Variants in SHB observed in about 807,000 individuals in gnomAD.
SHB encodes SH2 domain containing adaptor protein B.
SHB carries 20 observed loss-of-function variants against 52.3 expected under a neutral mutation model. That is an observed-to-expected ratio of 0.38 (90% confidence interval 0.27 to 0.56). The LOEUF is 0.56. Among genes scored for constraint, SHB ranks in the 20% least tolerant of loss-of-function variants. SHB has a pLI of 0.71. For synonymous variants in SHB, 397 were observed against 316.5 expected, an observed-to-expected ratio of 1.25 and a Z score of -2.70; for missense variants, 825 against 723.3, an observed-to-expected ratio of 1.14 and a Z score of -1.61.
intron 1 of SHB, among the ~76,000 whole-genome samples, chr9:38,063,427 A>G (rs1821919202): frequency 6.6e-6 from 1 of 152,142 alleles, no homozygotes. Context: ...GCCCCCAGCC[A>G]TCCTCTCCAG....
chr9:37,958,194 G>C (rs551018816), intron 3 of SHB, among the ~76,000 whole-genome samples: 2 of 151,936 alleles, frequency 1.3e-5, no homozygotes, highest in Non-Finnish European at 1.5e-5. Context: ...GAGAGCATGT[G>C]TACACGGGCA....
chr9:37,957,128 A>G (rs1832644922), intron 3 of SHB, among the ~76,000 whole-genome samples: 1 of 152,204 alleles, frequency 6.6e-6, no homozygotes, highest in Non-Finnish European at 1.5e-5. Context: ...CCTGACACAC[A>G]GAGGGTGCCT....
At chr9:38,033,973 G>A (rs1012192068) in intron 1 of SHB, among the ~76,000 whole-genome samples, 3 of 152,168 alleles carry the variant, frequency 2.0e-5, no homozygotes, top group East Asian at 1.9e-4. Flanking sequence ...CAGGTGAAAC[G>A]GGTTCTGCCA....
At position 38,002,508 on chromosome 9, in the gene SHB, A is replaced by G. The variant is rs531467685; in HGVS notation, c.838+13503T>C. On this transcript the variant is annotated intron_variant, in intron 2 of 5. Transcript: ENST00000377707. Reference sequence around the variant, plus strand: ...AGCACTACCGAACCACGTGAAACACATAAGAAGGCATCCTAGTGACTGGAA... The same window carrying G: ...AGCACTACCGAACCACGTGAAACACGTAAGAAGGCATCCTAGTGACTGGAA... Among the ~76,000 whole-genome samples the G allele has an allele frequency of 5.9e-5, 9 of 152,258 alleles. No homozygotes were observed. In the South Asian group the frequency reaches 1.9e-3, roughly 32 times the overall value.
intron 2 of SHB, among the ~76,000 whole-genome samples, chr9:38,003,975 TGGCC>T (rs1821049433): frequency 6.6e-6 from 1 of 152,102 alleles, no homozygotes; most frequent in African/African-American, 2.4e-5. Flanking sequence ...GGGCAGGAGC[TGGCC>T]CGGGGGATCT....
intron 5 of SHB, 37 bp from the exon 6 acceptor site, chr9:37,920,041 CT>C (rs771889505): frequency 1.9e-6 from 3 of 1,561,464 alleles, no homozygotes; most frequent in Non-Finnish European, 2.6e-6. Flanking sequence ...AACTACCCCC[CT>C]GACACTCAGG....
intron 2 of SHB, among the ~76,000 whole-genome samples, chr9:38,001,586 G>A (rs1396735718): frequency 6.6e-6 from 1 of 152,236 alleles, no homozygotes; most frequent in Non-Finnish European, 1.5e-5. Context: ...CCATGTCCAG[G>A]CGGGTTGGGT....
intron 3 of SHB, among the ~76,000 whole-genome samples, chr9:37,959,482 C>T (rs1312007162): frequency 6.6e-6 from 1 of 152,130 alleles, no homozygotes; most frequent in East Asian, 1.9e-4. Context: ...GCCACAGGCT[C>T]AGGAGACCGA....
chr9:38,037,793 G>C (rs936088468), intron 1 of SHB, among the ~76,000 whole-genome samples: 3 of 152,162 alleles, frequency 2.0e-5, no homozygotes, highest in Non-Finnish European at 4.4e-5. Context: ...ATCCTGTGCT[G>C]GGCTCTGGAA....
At chr9:37,982,919 C>T (rs2244731) in intron 2 of SHB, among the ~76,000 whole-genome samples, 86,204 of 151,252 alleles carry the variant, frequency 0.57, 24,950 homozygotes, top group East Asian at 0.75. Flanking sequence ...AAAAAAAGGC[C>T]TGGGTTTGCT....
At chr9:37,977,682 T>A (rs549313247) in intron 2 of SHB, among the ~76,000 whole-genome samples, 1 of 152,210 alleles carries the variant, frequency 6.6e-6, no homozygotes, top group Non-Finnish European at 1.5e-5. Flanking sequence ...CAAACTAATC[T>A]GCAACTTATT....
intron 2 of SHB, among the ~76,000 whole-genome samples, chr9:37,991,898 G>A (rs1213396700): frequency 6.6e-6 from 1 of 152,202 alleles, no homozygotes; most frequent in African/African-American, 2.4e-5. Flanking sequence ...GGATCTGAAG[G>A]GGTTACAGGC....
intron 2 of SHB, among the ~76,000 whole-genome samples, chr9:38,006,678 T>C (rs991744832): frequency 2.0e-5 from 3 of 152,240 alleles, no homozygotes; most frequent in Admixed American, 6.5e-5. Context: ...CCGAGGGGCC[T>C]GAGCCCTCGC....
rs544915672 is a variant in SHB at position 38,035,337 on chromosome 9, G to A, written c.718-19206C>T. On this transcript the variant is annotated intron_variant, in intron 1 of 5. Coordinates refer to ENST00000377707, the MANE Select transcript of SHB (RefSeq NM_003028.3). ...ACAGGGGACCTCCAAGCAGAAGCGG[G>A]TTGAGCACTTGGCAAGGAGGACCTA... Among the ~76,000 whole-genome samples the A allele has an allele frequency of 6.5e-4, 99 of 151,958 alleles. 1 individual carries two copies. The South Asian group carries it at 0.014, about 21-fold the overall frequency.
chr9:38,024,470 GGA>G (rs780149068), intron 1 of SHB, among the ~76,000 whole-genome samples: 19 of 152,292 alleles, frequency 1.2e-4, no homozygotes, highest in Non-Finnish European at 2.2e-4. Flanking sequence ...CGACTTGTTA[GGA>G]AAAACACATT....
intron 1 of SHB, among the ~76,000 whole-genome samples, chr9:38,047,722 T>C (rs1007264667): frequency 2.0e-5 from 3 of 152,248 alleles, no homozygotes; most frequent in Non-Finnish European, 4.4e-5. Context: ...AGGTCAGGAA[T>C]AGCGCCAGTA....
At chr9:37,986,059 AT>A (rs1372419912) in intron 2 of SHB, among the ~76,000 whole-genome samples, 7 of 152,220 alleles carry the variant, frequency 4.6e-5, no homozygotes, top group Non-Finnish European at 1.0e-4. Context: ...CAGCAGCTTG[AT>A]GGAGGCAGAA....
At chr9:37,926,788 G>A (rs1282727940) in intron 5 of SHB, among the ~76,000 whole-genome samples, 1 of 152,234 alleles carries the variant, frequency 6.6e-6, no homozygotes, top group Non-Finnish European at 1.5e-5. Flanking sequence ...CTGTAGCCTG[G>A]ACCTGGGCTA....
chr9:37,956,532 A>AG (rs1832636810), intron 3 of SHB, among the ~76,000 whole-genome samples: 1 of 152,138 alleles, frequency 6.6e-6, no homozygotes, highest in African/African-American at 2.4e-5. Context: ...AGTGCCACTT[A>AG]GGGGTCATGC....
Sources: gnomAD v4.1 joint callset for allele counts (sites outside exome capture counted in the v4.1 genomes callset) on GRCh38, gnomAD v4.1.1 for gene constraint, MANE v1.5 for transcripts, NCBI Gene and HGNC (gene_info 2026-07-23, HGNC 2026-07-21) for gene names.